PRKCE: variants seen among roughly 807,000 people sequenced by gnomAD.
PRKCE encodes protein kinase C epsilon, also known as protein kinase C epsilon type.
A neutral mutation model predicts 85.4 loss-of-function variants in PRKCE; 16 were observed. The ratio of observed to expected loss-of-function variants is 0.19; its 90% CI spans 0.13 to 0.28. The LOEUF (loss-of-function observed/expected upper bound fraction) is 0.28. PRKCE is among the 10% of genes least tolerant of loss of function. The pLI is 1.00. For missense variants in PRKCE, 573 were observed against 975.2 expected (o/e 0.59, Z 5.49); for synonymous variants, 388 against 371.5 (o/e 1.04, Z -0.51).
chr2:46,083,381 A>C, intron 10 of PRKCE, among the ~76,000 whole-genome samples: 1 of 152,194 alleles, frequency 6.6e-6, no homozygotes, highest in Non-Finnish European at 1.5e-5. Context: ...CCTACTCTTA[A>C]AAACTGTGTC....
chr2:45,743,903 C>A (rs988748167), intron 1 of PRKCE, among the ~76,000 whole-genome samples: 2 of 152,066 alleles, frequency 1.3e-5, no homozygotes, highest in Non-Finnish European at 2.9e-5. Flanking sequence ...TGACCTCATC[C>A]CCAGGCCTGG....
At chr2:45,919,714 C>G (rs1021471556) in intron 2 of PRKCE, among the ~76,000 whole-genome samples, 1 of 152,230 alleles carries the variant, frequency 6.6e-6, no homozygotes, top group South Asian at 2.1e-4. Flanking sequence ...AAATCTAGGC[C>G]TTCTTTGGCT....
At chr2:45,827,480 T>C (rs1031776445) in intron 1 of PRKCE, among the ~76,000 whole-genome samples, 1 of 152,200 alleles carries the variant, frequency 6.6e-6, no homozygotes, top group African/African-American at 2.4e-5. Flanking sequence ...TGTCCAGCTG[T>C]ATGAGCCGGA....
At chr2:45,830,293 C>CGAGAGA (rs71912599) in intron 1 of PRKCE, among the ~76,000 whole-genome samples, 16 of 146,208 alleles carry the variant, frequency 1.1e-4, no homozygotes, top group African/African-American at 3.8e-4. Flanking sequence ...CAAAAACAAA[C>CGAGAGA]GAGAGAGAGA....
chr2:46,125,069 A>G (rs1673715379), intron 11 of PRKCE, among the ~76,000 whole-genome samples: 1 of 152,200 alleles, frequency 6.6e-6, no homozygotes, highest in South Asian at 2.1e-4. Context: ...CCATTTCTCA[A>G]ATTCTTCTTT....
chr2:46,152,578 T>TTGCTTTGTTACCCAGGCTGGAGTGC (rs1676753115), intron 13 of PRKCE, among the ~76,000 whole-genome samples: 1 of 152,000 alleles, frequency 6.6e-6, no homozygotes, highest in Non-Finnish European at 1.5e-5. Flanking sequence ...AGATGGAGTG[T>TTGCTTTGTTACCCAGGCTGGAGTGC]TGCTTTGTTA....
At chr2:46,144,801 T>C (rs941261825) in intron 11 of PRKCE, among the ~76,000 whole-genome samples, 1 of 152,206 alleles carries the variant, frequency 6.6e-6, no homozygotes, top group Admixed American at 6.5e-5. Flanking sequence ...TGTGGGTGCA[T>C]AGCAGGGCTT....
chr2:46,141,691 T>C (rs1234095082), intron 11 of PRKCE, among the ~76,000 whole-genome samples: 5 of 148,492 alleles, frequency 3.4e-5, no homozygotes, highest in African/African-American at 9.9e-5. Context: ...CCCCCCTCTA[T>C]TAAAAAAAGA....
intron 1 of PRKCE, among the ~76,000 whole-genome samples, chr2:45,770,396 G>A (rs79510514): frequency 0.018 from 2,680 of 152,220 alleles, 72 homozygotes; most frequent in African/African-American, 0.061. Flanking sequence ...ATTGCCTAAG[G>A]TTCTCATGTT....
At chr2:46,017,623 C>T (rs1173815968) in intron 10 of PRKCE, among the ~76,000 whole-genome samples, 1 of 152,198 alleles carries the variant, frequency 6.6e-6, no homozygotes, top group Admixed American at 6.5e-5. Context: ...TGAGGAACCG[C>T]TATACTGTTT....
intron 2 of PRKCE, among the ~76,000 whole-genome samples, chr2:45,934,816 G>T (rs1699308806): frequency 6.6e-6 from 1 of 151,564 alleles, no homozygotes; most frequent in African/African-American, 2.4e-5. Context: ...TACTTTGGGA[G>T]GTTGAGGCAG....
intron 8 of PRKCE, among the ~76,000 whole-genome samples, chr2:46,005,272 A>G (rs1346670985): frequency 6.6e-6 from 1 of 152,162 alleles, no homozygotes; most frequent in Non-Finnish European, 1.5e-5. Context: ...AATTTGCACA[A>G]TAATAATTCT....
chr2:45,868,195 G>GT (rs1693764220), intron 2 of PRKCE, among the ~76,000 whole-genome samples: 1 of 147,046 alleles, frequency 6.8e-6, no homozygotes, highest in African/African-American at 2.5e-5. Context: ...GCCTGGTCTG[G>GT]TTGGGGGGTG....
chr2:46,113,666 T>G (rs1157153503), intron 11 of PRKCE, among the ~76,000 whole-genome samples: 1 of 152,192 alleles, frequency 6.6e-6, no homozygotes, highest in African/African-American at 2.4e-5. Context: ...AGTCCCTGGC[T>G]TGCAGTGGGA....
chr2:45,662,147 A>C (rs2103758739), intron 1 of PRKCE, among the ~76,000 whole-genome samples: 1 of 152,274 alleles, frequency 6.6e-6, no homozygotes, highest in East Asian at 1.9e-4. Context: ...AAAAGAAAGA[A>C]TTCACAAAAG....
At chr2:46,084,638 C>T (rs1669408443) in intron 10 of PRKCE, among the ~76,000 whole-genome samples, 1 of 149,870 alleles carries the variant, frequency 6.7e-6, no homozygotes, top group South Asian at 2.1e-4. Flanking sequence ...AGGAGAATCG[C>T]TTGAACCAGG....
rs114035890 is a variant in PRKCE, at chr2:45,753,730, T to A, written c.349-89270T>A. 6.0e-3 allele frequency among the ~76,000 whole-genome samples: 907 copies of A among 152,344 alleles called. 12 individuals carry two copies. The highest frequency in any genetic ancestry group is 0.02 in the African/African-American group (835 of 41,580). On this transcript the variant is annotated intron_variant, in intron 1 of 14. Transcript: ENST00000306156. Reference sequence around the variant, plus strand: ...GAGAGAATAGTATGACCCACTCCCATGTCCCCATCATCTAGATTTTTAACA... The same window carrying A: ...GAGAGAATAGTATGACCCACTCCCAAGTCCCCATCATCTAGATTTTTAACA...
At chr2:45,770,118 C>T (rs966565189) in intron 1 of PRKCE, among the ~76,000 whole-genome samples, 27 of 152,226 alleles carry the variant, frequency 1.8e-4, no homozygotes, top group Non-Finnish European at 7.3e-5. Flanking sequence ...TTGGGTGGCT[C>T]CTGCAGTAGC....
chr2:45,718,674 G>A (rs143185840), intron 1 of PRKCE, among the ~76,000 whole-genome samples: 47 of 152,230 alleles, frequency 3.1e-4, no homozygotes, highest in African/African-American at 1.1e-3. Flanking sequence ...TGATATACTG[G>A]TTCAAGTCAG....
Sources: gnomAD v4.1 joint callset for allele counts (sites outside exome capture counted in the v4.1 genomes callset) on GRCh38, gnomAD v4.1.1 for gene constraint, MANE v1.5 for transcripts, NCBI Gene and HGNC (gene_info 2026-07-23, HGNC 2026-07-21) for gene names.